The following ITGA8 variants were observed in gnomAD, a reference collection of about 807,000 sequenced individuals.
ITGA8 encodes integrin alpha-8.
A neutral mutation model predicts 142.3 loss-of-function variants in ITGA8; 91 were observed. The observed-to-expected ratio is 0.64, with a 90% CI of 0.54 to 0.76. ITGA8 has a LOEUF of 0.76. Ranked by LOEUF, ITGA8 falls within the 30% of genes least tolerant of loss-of-function variation. The pLI is 0.00. For synonymous variants in ITGA8, 505 were observed against 485.2 expected (o/e 1.04, Z -0.54); for missense variants, 1,406 against 1,327.7 (o/e 1.06, Z -0.92).
rs375947640 is a variant in ITGA8 at position 15,644,160 on chromosome 10, A to G, written c.1269T>C (p.Asn423=). 1.4e-5 allele frequency: 23 copies of G among 1,614,130 alleles called. No individual in the cohort carries two copies. In the East Asian group the frequency reaches 2.2e-4, roughly 16 times the overall value. ...KDQRGKVLIY[N]GNKDGLNTKP... is the part of the protein sequence containing the mutation. The stretch of plus-strand genomic sequence containing the variant: ...TGGTGTTTAAGCCATCTTTGTTCCC[A>G]TTATAAATGAGCACTTTGCCTCTTT... Residue 423 remains asparagine, a synonymous_variant, in exon 13 of 30, where the codon AAT becomes AAC. Transcript: ENST00000378076.
intron 14 of ITGA8, among the ~76,000 whole-genome samples, chr10:15,615,295 C>T (rs1289841810): frequency 1.3e-5 from 2 of 152,146 alleles, no homozygotes; most frequent in Admixed American, 1.3e-4. Flanking sequence ...TTCTCTAGAA[C>T]CTTAAGTGGG....
intron 14 of ITGA8, among the ~76,000 whole-genome samples, chr10:15,616,045 T>C (rs942795057): frequency 1.3e-5 from 2 of 152,232 alleles, no homozygotes; most frequent in Non-Finnish European, 2.9e-5. Context: ...TTGGAATCCA[T>C]AGCTGTTGTA....
chr10:15,658,280 C>A (rs1222296254), intron 10 of ITGA8, among the ~76,000 whole-genome samples: 1 of 152,162 alleles, frequency 6.6e-6, no homozygotes, highest in African/African-American at 2.4e-5. Context: ...GAAGTCCAGG[C>A]CCTTTTTACA....
intron 21 of ITGA8, among the ~76,000 whole-genome samples, chr10:15,595,888 A>C (rs1833003526): frequency 6.6e-6 from 1 of 152,122 alleles, no homozygotes; most frequent in South Asian, 2.1e-4. Context: ...CCCCGTCTCT[A>C]CTAAAAATAC....
intron 22 of ITGA8, among the ~76,000 whole-genome samples, chr10:15,590,254 G>A (rs376185462): frequency 2.6e-5 from 4 of 152,230 alleles, no homozygotes; most frequent in African/African-American, 7.2e-5. Flanking sequence ...TGTTAAAAAC[G>A]TGGCCACTTC....
At chr10:15,562,665 G>A (rs1834005234) in intron 25 of ITGA8, among the ~76,000 whole-genome samples, 1 of 152,168 alleles carries the variant, frequency 6.6e-6, no homozygotes, top group African/African-American at 2.4e-5. Context: ...AAGTTGAGTC[G>A]AATGTCTTGG....
chr10:15,665,093 T>A (rs920189931), intron 8 of ITGA8, among the ~76,000 whole-genome samples: 1 of 152,240 alleles, frequency 6.6e-6, no homozygotes, highest in Non-Finnish European at 1.5e-5. Context: ...ATCGCCACAC[T>A]GACTTCCACA....
chr10:15,618,327 C>T (rs981976204), intron 13 of ITGA8, among the ~76,000 whole-genome samples: 2 of 152,042 alleles, frequency 1.3e-5, no homozygotes, highest in African/African-American at 4.8e-5. Flanking sequence ...TCTAGCACAA[C>T]GCGAATGAAA....
chr10:15,604,261 A>C lies in ITGA8; in HGVS notation c.2065T>G (p.Phe689Val). The C allele has an allele frequency of 6.2e-7, 1 of 1,613,668 alleles. No homozygotes were observed. Among genetic ancestry groups the C allele is most frequent in the African/African-American group, 1.3e-5 (1 of 75,016 alleles). Residue 689 changes from phenylalanine to valine, a missense_variant, in exon 20 of 30, where the codon TTT (phenylalanine) becomes GTT (valine). Transcript: ENST00000378076. ...EGEGAYEAEL[F>V]VMIPEEADYV... ...TCTGCCTCTTCTGGTATCATTACAAAGAGTTCAGCTTCATATGCTCCTTCC... is the reference window on the plus strand; with the variant it reads ...TCTGCCTCTTCTGGTATCATTACAACGAGTTCAGCTTCATATGCTCCTTCC...
intron 6 of ITGA8, among the ~76,000 whole-genome samples, chr10:15,673,365 G>A (rs1834566229): frequency 6.6e-6 from 1 of 152,094 alleles, no homozygotes; most frequent in Admixed American, 6.6e-5. Flanking sequence ...TTACAGGTGT[G>A]AGCCACAGCG....
At chr10:15,560,627 G>A (rs1445438573) in intron 25 of ITGA8, among the ~76,000 whole-genome samples, 1 of 152,084 alleles carries the variant, frequency 6.6e-6, no homozygotes, top group Non-Finnish European at 1.5e-5. Context: ...GAATACTACT[G>A]GACAGGTTTT....
At chr10:15,557,637 G>C (rs546892342) in intron 26 of ITGA8, among the ~76,000 whole-genome samples, 1 of 152,158 alleles carries the variant, frequency 6.6e-6, no homozygotes, top group Non-Finnish European at 1.5e-5. Context: ...ACAGGTGTGA[G>C]CCACCATACC....
At chr10:15,679,243 A>G (rs1834690684) in intron 4 of ITGA8, among the ~76,000 whole-genome samples, 1 of 152,216 alleles carries the variant, frequency 6.6e-6, no homozygotes, top group African/African-American at 2.4e-5. Flanking sequence ...CTGGGCCACC[A>G]ATAAGCATTT....
chr10:15,564,730 A>G (rs1175385661), intron 25 of ITGA8, among the ~76,000 whole-genome samples: 1 of 152,244 alleles, frequency 6.6e-6, no homozygotes, highest in Non-Finnish European at 1.5e-5. Flanking sequence ...AAATTAGATG[A>G]AGGGCCCTGT....
At position 15,678,710 on chromosome 10, in the gene ITGA8, A is replaced by C. The variant is rs750476801; in HGVS notation, c.630+12T>G. 1.2e-5 allele frequency: 19 copies of C among 1,599,380 alleles called. No homozygotes were observed. In the Middle Eastern group the frequency reaches 8.3e-4, roughly 70 times the overall value. On this transcript the variant is annotated intron_variant, in intron 5 of 29. Transcript: ENST00000378076. The stretch of plus-strand genomic sequence containing the variant: ...ATTAAATATTAGGAACTGCGAGACC[A>C]AAATAATTCACCTTATAAAAATCCA...
chr10:15,706,446 G>A (rs562854718), intron 2 of ITGA8, among the ~76,000 whole-genome samples: 6 of 151,884 alleles, frequency 4.0e-5, no homozygotes, highest in South Asian at 4.2e-4. Context: ...CAAAATCTAA[G>A]CTGATCCATT....
At chr10:15,581,305 A>G (rs1323434030) in intron 23 of ITGA8, among the ~76,000 whole-genome samples, 1 of 152,132 alleles carries the variant, frequency 6.6e-6, no homozygotes, top group African/African-American at 2.4e-5. Context: ...GGTAGGTGAT[A>G]CTCCAAGCCT....
chr10:15,527,817 T>C (rs1169369179), intron 28 of ITGA8, among the ~76,000 whole-genome samples: 3 of 151,604 alleles, frequency 2.0e-5, no homozygotes, highest in Admixed American at 2.0e-4. Context: ...AGAATGACTT[T>C]CCTCAGGGGC....
intron 28 of ITGA8, among the ~76,000 whole-genome samples, chr10:15,529,532 T>C (rs1388134180): frequency 2.6e-5 from 4 of 152,182 alleles, no homozygotes; most frequent in Non-Finnish European, 4.4e-5. Flanking sequence ...CAACCCTGGC[T>C]CCCCTGCAGA....
Sources: gnomAD v4.1 joint callset for allele counts (sites outside exome capture counted in the v4.1 genomes callset) on GRCh38, gnomAD v4.1.1 for gene constraint, MANE v1.5 for transcripts, NCBI Gene and HGNC (gene_info 2026-07-23, HGNC 2026-07-21) for gene names.